Variants in ZNF148 observed in about 807,000 individuals in gnomAD.
ZNF148 encodes zinc finger protein 148.
Under a neutral mutation model 67.7 loss-of-function variants are expected in ZNF148, and 7 were observed. The observed-to-expected ratio is 0.10, with a 90% CI of 0.06 to 0.19. The LOEUF is 0.19. Ranked by LOEUF, ZNF148 falls within the 10% of genes least tolerant of loss-of-function variation. The pLI is 1.00. For missense variants in ZNF148, 583 were observed against 947.1 expected, an observed-to-expected ratio of 0.62 and a Z score of 5.05; for synonymous variants, 333 against 330.7, an observed-to-expected ratio of 1.01 and a Z score of -0.08.
chr3:125,263,528 G>A (rs1171742731), intron 7 of ZNF148, among the ~76,000 whole-genome samples: 3 of 146,854 alleles, frequency 2.0e-5, no homozygotes, highest in Admixed American at 1.4e-4. Flanking sequence ...TCCAGCCTAG[G>A]AAATAGAGTA....
At chr3:125,362,827 T>C (rs929258122) in intron 1 of ZNF148, among the ~76,000 whole-genome samples, 7 of 152,192 alleles carry the variant, frequency 4.6e-5, no homozygotes, top group African/African-American at 1.7e-4. Flanking sequence ...ACTGCTGAAA[T>C]AACAGGTATG....
At chr3:125,252,540 C>G (rs866326233) in intron 7 of ZNF148, among the ~76,000 whole-genome samples, 1 of 152,016 alleles carries the variant, frequency 6.6e-6, no homozygotes, top group Non-Finnish European at 1.5e-5. Context: ...CTGCATGAGG[C>G]GGGTGGATCA....
chr3:125,259,167 A>G (rs1384952784), intron 7 of ZNF148, among the ~76,000 whole-genome samples: 2 of 151,872 alleles, frequency 1.3e-5, no homozygotes, highest in African/African-American at 4.9e-5. Context: ...AAAAATCAAC[A>G]ATAAGGAAAG....
intron 1 of ZNF148, among the ~76,000 whole-genome samples, chr3:125,354,554 T>C (rs917248876): frequency 1.3e-5 from 2 of 152,236 alleles, no homozygotes; most frequent in East Asian, 3.8e-4. Flanking sequence ...GTTATCTTTT[T>C]CTAAAATTAA....
chr3:125,302,163 G>A (rs923025262), intron 4 of ZNF148, among the ~76,000 whole-genome samples: 1 of 152,054 alleles, frequency 6.6e-6, no homozygotes, highest in South Asian at 2.1e-4. Context: ...GATCGCTTGA[G>A]CCCAGGAGTT....
At chr3:125,247,516 A>T (rs1936654727) in intron 7 of ZNF148, among the ~76,000 whole-genome samples, 1 of 151,948 alleles carries the variant, frequency 6.6e-6, no homozygotes, top group Non-Finnish European at 1.5e-5. Flanking sequence ...AGCTCACCAC[A>T]ACCTCTGCCT....
At chr3:125,239,333 A>C (rs1936239845) in intron 7 of ZNF148, among the ~76,000 whole-genome samples, 1 of 152,206 alleles carries the variant, frequency 6.6e-6, no homozygotes, top group Non-Finnish European at 1.5e-5. Context: ...ACTCAATGGG[A>C]AACACACAAC....
chr3:125,252,697 G>A (rs1352338272), intron 7 of ZNF148, among the ~76,000 whole-genome samples: 1 of 151,586 alleles, frequency 6.6e-6, no homozygotes, highest in East Asian at 1.9e-4. Flanking sequence ...GAACCAGGGA[G>A]TCGGAGGTTG....
chr3:125,268,207 G>GA (rs1170722862), intron 7 of ZNF148, among the ~76,000 whole-genome samples: 1 of 102,246 alleles, frequency 9.8e-6, no homozygotes, highest in African/African-American at 3.9e-5. Context: ...CACAGACATA[G>GA]AAAAAACTAT....
At chr3:125,337,792 T>C (rs1941557660) in intron 1 of ZNF148, among the ~76,000 whole-genome samples, 1 of 152,214 alleles carries the variant, frequency 6.6e-6, no homozygotes, top group Admixed American at 6.5e-5. Flanking sequence ...ACACACCATC[T>C]TAGTGGCAAG....
intron 1 of ZNF148, among the ~76,000 whole-genome samples, chr3:125,355,023 G>A (rs1439549065): frequency 1.3e-5 from 2 of 152,140 alleles, no homozygotes; most frequent in East Asian, 1.9e-4. Flanking sequence ...CCTGAGCTCT[G>A]CATTATCTGT....
chr3:125,333,558 A>G (rs1319583198), intron 1 of ZNF148, among the ~76,000 whole-genome samples: 2 of 152,160 alleles, frequency 1.3e-5, no homozygotes, highest in East Asian at 3.9e-4. Context: ...ACCTACTAAG[A>G]TGGAAACGGA....
intron 1 of ZNF148, among the ~76,000 whole-genome samples, chr3:125,337,131 G>A (rs753295101): frequency 6.6e-6 from 1 of 151,942 alleles, no homozygotes; most frequent in Non-Finnish European, 1.5e-5. Flanking sequence ...TATAGAAGCT[G>A]GCTGAGCAAA....
intron 7 of ZNF148, among the ~76,000 whole-genome samples, chr3:125,275,907 T>C (rs906004399): frequency 2.0e-5 from 3 of 152,212 alleles, no homozygotes; most frequent in African/African-American, 7.2e-5. Flanking sequence ...CTGTGACACC[T>C]GCCCTAAGAA....
chr3:125,344,945 T>C (rs1222187050), intron 1 of ZNF148: 2 of 161,614 alleles, frequency 1.2e-5, no homozygotes, highest in East Asian at 1.8e-4. Context: ...CCCAATTATA[T>C]GTTGCTTGCA....
chr3:125,345,494 AGAAG>A (rs950522835), intron 1 of ZNF148, among the ~76,000 whole-genome samples: 1 of 152,070 alleles, frequency 6.6e-6, no homozygotes, highest in Non-Finnish European at 1.5e-5. Context: ...AGCCAAAGCA[AGAAG>A]GAAGGAATTA....
chr3:125,279,748 T>TAAAA (rs397716651), intron 5 of ZNF148, among the ~76,000 whole-genome samples: 1 of 147,758 alleles, frequency 6.8e-6, no homozygotes, highest in Non-Finnish European at 1.5e-5. Flanking sequence ...TTTGTTAAGT[T>TAAAA]AAAAAAAAAA....
chr3:125,341,816 G>A (rs1453594473), intron 1 of ZNF148, among the ~76,000 whole-genome samples: 4 of 151,870 alleles, frequency 2.6e-5, no homozygotes, highest in Non-Finnish European at 4.4e-5. Context: ...GCAACATGGC[G>A]AAACACCATC....
intron 3 of ZNF148, among the ~76,000 whole-genome samples, chr3:125,317,715 T>A (rs9840035): frequency 0.18 from 14,212 of 79,624 alleles, 1,055 homozygotes; most frequent in African/African-American, 0.32. Context: ...ATATATATAT[T>A]TTTTTTTTTT....
Sources: gnomAD v4.1 joint callset for allele counts (sites outside exome capture counted in the v4.1 genomes callset) on GRCh38, gnomAD v4.1.1 for gene constraint, MANE v1.5 for transcripts, NCBI Gene and HGNC (gene_info 2026-07-23, HGNC 2026-07-21) for gene names.